The following DNAJC1 variants were observed in gnomAD, a reference collection of about 807,000 sequenced individuals.
DNAJC1 encodes dnaJ homolog subfamily C member 1.
Under a neutral mutation model 76.6 loss-of-function variants are expected in DNAJC1, and 58 were observed. That is an observed-to-expected ratio of 0.76 (90% CI 0.61 to 0.94). DNAJC1 has a LOEUF of 0.94. DNAJC1 is among the 40% of genes least tolerant of loss of function. DNAJC1 has a pLI of 0.00. For missense variants in DNAJC1, 689 were observed against 677.3 expected, an observed-to-expected ratio of 1.02 and a Z score of -0.19; for synonymous variants, 258 against 267.9, an observed-to-expected ratio of 0.96 and a Z score of 0.36.
chr10:21,817,522 A>G (rs1229773579), intron 8 of DNAJC1, among the ~76,000 whole-genome samples: 1 of 152,102 alleles, frequency 6.6e-6, no homozygotes, highest in African/African-American at 2.4e-5. Flanking sequence ...CACTATCATC[A>G]ACTTTAAGAT....
chr10:21,897,625 T>C (rs1478817794), intron 7 of DNAJC1, among the ~76,000 whole-genome samples: 1 of 152,176 alleles, frequency 6.6e-6, no homozygotes, highest in East Asian at 1.9e-4. Context: ...TATAAGAATC[T>C]AACTACAGTT....
intron 8 of DNAJC1, chr10:21,865,648 G>A (rs752222591): frequency 6.6e-6 from 1 of 151,980 alleles, no homozygotes; most frequent in African/African-American, 2.4e-5. Context: ...TTCTGACAAC[G>A]GGTTCACAGG....
chr10:21,912,098 T>C (rs1472593923), intron 6 of DNAJC1, among the ~76,000 whole-genome samples: 1 of 152,092 alleles, frequency 6.6e-6, no homozygotes, highest in African/African-American at 2.4e-5. Flanking sequence ...TGACAGGGAG[T>C]TTAAGATTAC....
chr10:21,910,536 C>T (rs1379045423), intron 6 of DNAJC1, among the ~76,000 whole-genome samples: 6 of 151,612 alleles, frequency 4.0e-5, no homozygotes, highest in Admixed American at 3.9e-4. Context: ...CAAAGAAAAG[C>T]TTAAGAAACA....
intron 6 of DNAJC1, among the ~76,000 whole-genome samples, chr10:21,906,066 C>T (rs552310376): frequency 3.1e-4 from 47 of 152,124 alleles, no homozygotes; most frequent in Non-Finnish European, 6.2e-4. Context: ...GGGGTTCTAT[C>T]AGAACTCTTC....
At position 21,929,132 on chromosome 10, in the gene DNAJC1, A is replaced by C. The variant is rs892295331; in HGVS notation, c.232T>G (p.Ser78Ala). 7 of 1,610,114 alleles carry C rather than the reference A, an allele frequency of 4.3e-6. No individual in the cohort carries two copies. The Admixed American group carries it at 5.1e-5, about 12-fold the overall frequency. ...QFLGVQQDAS[S>A]ADIRKAYRKL... is the part of the protein sequence containing the mutation. Reference sequence around the variant, plus strand: ...CGATATGCTTTTCTGATGTCTGCAGATGATGCATCCTGGAGGTGGTAGGGG... The same window carrying C: ...CGATATGCTTTTCTGATGTCTGCAGCTGATGCATCCTGGAGGTGGTAGGGG... The change falls in exon 2 of 12, where the codon TCT becomes GCT. Residue 78 changes from serine to alanine, a missense_variant. Ser to Ala is a moderately conservative substitution (Grantham distance 99, BLOSUM62 1). Transcript: ENST00000376980.
chr10:21,829,227 T>G (rs1201652591), intron 8 of DNAJC1, among the ~76,000 whole-genome samples: 1 of 151,768 alleles, frequency 6.6e-6, no homozygotes, highest in African/African-American at 2.4e-5. Context: ...TTTTGTTTTT[T>G]TTTTTGAGAT....
At chr10:21,965,967 T>A (rs552741676) in intron 1 of DNAJC1, among the ~76,000 whole-genome samples, 1 of 152,344 alleles carries the variant, frequency 6.6e-6, no homozygotes, top group African/African-American at 2.4e-5. Flanking sequence ...TTGTCTAAGA[T>A]CACTGCATTT....
intron 10 of DNAJC1, 108 bp from the exon 11 acceptor site, chr10:21,759,726 A>G (rs983461280): frequency 1.0e-6 from 1 of 968,120 alleles, no homozygotes; most frequent in Non-Finnish European, 1.5e-6. Context: ...GGCATTTTGC[A>G]TGCATGGTTT....
intron 8 of DNAJC1, among the ~76,000 whole-genome samples, chr10:21,863,452 T>C (rs1323172325): frequency 6.6e-6 from 1 of 151,834 alleles, no homozygotes; most frequent in Non-Finnish European, 1.5e-5. Context: ...TAAGAAGAAA[T>C]AGATGAAATT....
Position 21,772,536 on chromosome 10 carries a change from T to C in DNAJC1, c.1099-6227A>G, listed in dbSNP as rs537876885. Among the ~76,000 whole-genome samples, 23 of 152,274 alleles carry C rather than the reference T, an allele frequency of 1.5e-4. No homozygotes were observed. The Middle Eastern group carries it at 0.01, about 68-fold the overall frequency. On this transcript the variant is annotated intron_variant, in intron 9 of 11. Coordinates refer to ENST00000376980, the MANE Select transcript of DNAJC1 (RefSeq NM_022365.4). ...TTTCTTGACATACATTTATTCACGA[T>C]TGTATTCCTTTATAATCCTTTTTAT...
intron 1 of DNAJC1, among the ~76,000 whole-genome samples, chr10:21,946,812 T>C (rs1004225944): frequency 3.9e-5 from 6 of 152,192 alleles, no homozygotes; most frequent in South Asian, 2.1e-4. Context: ...GATCCTGCTA[T>C]GGTTTGAATG....
intron 9 of DNAJC1, among the ~76,000 whole-genome samples, chr10:21,770,988 T>TTA (rs1258609453): frequency 5.3e-5 from 8 of 152,202 alleles, no homozygotes; most frequent in Non-Finnish European, 2.9e-5. Flanking sequence ...TTCAACAATG[T>TTA]TATATAGTTT....
intron 10 of DNAJC1, among the ~76,000 whole-genome samples, chr10:21,765,797 T>C (rs975881973): frequency 6.6e-6 from 1 of 152,024 alleles, no homozygotes; most frequent in Non-Finnish European, 1.5e-5. Context: ...TGAGCCGAGA[T>C]TGCGCCACTG....
In DNAJC1 at chr10:21,950,727, A is replaced by G. The variant is rs372641438; in HGVS notation, c.223-21586T>C. 2.6e-5 allele frequency among the ~76,000 whole-genome samples: 4 copies of G among 152,350 alleles called. No homozygotes were observed. In the East Asian group the frequency reaches 7.7e-4, roughly 29 times the overall value. On this transcript the variant is annotated intron_variant, in intron 1 of 11. Transcript: ENST00000376980. ...TACTCCAGTGAACACATGAATGATAAGAAAGTGAAAAAGCCTTAATGCTCA... is the reference window on the plus strand; with the variant it reads ...TACTCCAGTGAACACATGAATGATAGGAAAGTGAAAAAGCCTTAATGCTCA...
intron 1 of DNAJC1, 98 bp from the exon 2 acceptor site, chr10:21,929,239 T>G (rs1837180834): frequency 1.3e-5 from 10 of 753,592 alleles, no homozygotes; most frequent in Non-Finnish European, 2.0e-5. Context: ...GCCAACCAAG[T>G]GCAGGACCCC....
chr10:21,948,247 C>G (rs923297384), intron 1 of DNAJC1, among the ~76,000 whole-genome samples: 1 of 152,004 alleles, frequency 6.6e-6, no homozygotes, highest in African/African-American at 2.4e-5. Context: ...TGAGCCACCA[C>G]GCCTGGCCCA....
rs371374808 is a variant in DNAJC1 at position 21,939,657 on chromosome 10, T to C, written c.223-10516A>G. Among the ~76,000 whole-genome samples the C allele has an allele frequency of 3.3e-4, 51 of 152,282 alleles. 1 individual carries two copies. The East Asian group carries it at 7.3e-3, about 22-fold the overall frequency. On this transcript the variant is annotated intron_variant, in intron 1 of 11. Transcript: ENST00000376980. ...GTCTATACCATGTTGCCTAGGTGTA[T>C]GGTAGGCTATACCATCTAGGTTTGT...
At chr10:21,912,499 T>C (rs1174146530) in intron 6 of DNAJC1, among the ~76,000 whole-genome samples, 1 of 152,204 alleles carries the variant, frequency 6.6e-6, no homozygotes, top group African/African-American at 2.4e-5. Flanking sequence ...TGTTGTAAGG[T>C]CATTCCAGTT....
Sources: allele counts gnomAD v4.1 joint callset (sites outside exome capture counted in the v4.1 genomes callset), GRCh38; gene constraint gnomAD v4.1.1; transcripts MANE v1.5; gene names NCBI Gene and HGNC (gene_info 2026-07-23, HGNC 2026-07-21).